Variants in TCF7L1 observed in about 807,000 individuals in gnomAD.
The protein encoded by TCF7L1 is transcription factor 7-like 1.
In TCF7L1, 18 loss-of-function variants were observed where a neutral mutation model predicts 63.7. That is an observed-to-expected ratio of 0.28 (90% confidence interval 0.20 to 0.42). TCF7L1 has a LOEUF of 0.42. Ranked by LOEUF, TCF7L1 falls within the 10% of genes least tolerant of loss-of-function variation. The pLI is 1.00. For missense variants in TCF7L1, 654 were observed against 779.3 expected (o/e 0.84, Z 1.91); for synonymous variants, 355 against 340.9 (o/e 1.04, Z -0.46).
At chr2:85,210,778 T>C (rs1416827424) in intron 3 of TCF7L1, among the ~76,000 whole-genome samples, 1 of 152,202 alleles carries the variant, frequency 6.6e-6, no homozygotes, top group East Asian at 1.9e-4. Context: ...ATTCTAAACA[T>C]GTATGTTAAC....
intron 3 of TCF7L1, among the ~76,000 whole-genome samples, chr2:85,235,755 C>T (rs762662968): frequency 7.2e-5 from 11 of 152,154 alleles, no homozygotes; most frequent in Admixed American, 4.6e-4. Context: ...TGCGGTGTGG[C>T]TCATGCCTGT....
At chr2:85,274,266 C>T (rs1439056703) in intron 3 of TCF7L1, among the ~76,000 whole-genome samples, 1 of 152,194 alleles carries the variant, frequency 6.6e-6, no homozygotes, top group East Asian at 1.9e-4. Context: ...GCAGGCCCAG[C>T]GCTCCAGGCT....
chr2:85,265,464 TC>T (rs1558650720), intron 3 of TCF7L1, among the ~76,000 whole-genome samples: 1 of 152,022 alleles, frequency 6.6e-6, no homozygotes, highest in African/African-American at 2.4e-5. Context: ...GCCCAGACCT[TC>T]CCCCAGAGGG....
intron 3 of TCF7L1, among the ~76,000 whole-genome samples, chr2:85,248,325 C>T (rs762759157): frequency 1.3e-5 from 2 of 152,130 alleles, no homozygotes; most frequent in Non-Finnish European, 1.5e-5. Flanking sequence ...ATTGTGTAAA[C>T]GCAGATTCTA....
chr2:85,165,246 C>T (rs1678389315), intron 3 of TCF7L1, among the ~76,000 whole-genome samples: 2 of 152,218 alleles, frequency 1.3e-5, no homozygotes, highest in Admixed American at 1.3e-4. Context: ...ATTTACAGCT[C>T]CTCTTTTTGG....
At chr2:85,254,129 G>A (rs1269145836) in intron 3 of TCF7L1, among the ~76,000 whole-genome samples, 1 of 152,260 alleles carries the variant, frequency 6.6e-6, no homozygotes, top group Non-Finnish European at 1.5e-5. Flanking sequence ...ATTTGAGGCT[G>A]CTCTCGCATC....
At chr2:85,166,319 A>G (rs1678418158) in intron 3 of TCF7L1, among the ~76,000 whole-genome samples, 1 of 152,124 alleles carries the variant, frequency 6.6e-6, no homozygotes, top group African/African-American at 2.4e-5. Flanking sequence ...AGGCACAAGC[A>G]CTCTGGGGCT....
chr2:85,272,325 T>C (rs1361360417), intron 3 of TCF7L1, among the ~76,000 whole-genome samples: 1 of 152,200 alleles, frequency 6.6e-6, no homozygotes, highest in Non-Finnish European at 1.5e-5. Context: ...TGCTATGATA[T>C]AAGACATACT....
At chr2:85,196,466 A>G (rs1222524034) in intron 3 of TCF7L1, among the ~76,000 whole-genome samples, 3 of 152,018 alleles carry the variant, frequency 2.0e-5, no homozygotes, top group Admixed American at 6.5e-5. Context: ...GCACATTGGA[A>G]TTACCTGGGG....
In TCF7L1 at chr2:85,306,721, G is replaced by C. The variant is rs1382267439; in HGVS notation, c.1257+162G>C. ...TGTCACCCAGGCTGGAGTGCATGCAGTGGCGCGATCTCGGCTCACTGCAAG... is the reference window on the plus strand; with the variant it reads ...TGTCACCCAGGCTGGAGTGCATGCACTGGCGCGATCTCGGCTCACTGCAAG... On this transcript the variant is annotated intron_variant, in intron 10 of 11. Coordinates refer to ENST00000282111, the MANE Select transcript of TCF7L1 (RefSeq NM_031283.3). The surrounding 1 kb of genome is among the most constrained non-coding windows in gnomAD (Gnocchi z 4.3). 6.6e-6 allele frequency among the ~76,000 whole-genome samples: 1 copy of C among 152,178 alleles called. No individual in the cohort carries two copies. The highest frequency in any genetic ancestry group is 2.4e-5 in the African/African-American group (1 of 41,440).
chr2:85,276,868 C>T (rs1049900588), intron 3 of TCF7L1, among the ~76,000 whole-genome samples: 2 of 152,076 alleles, frequency 1.3e-5, no homozygotes, highest in East Asian at 3.9e-4. Flanking sequence ...ATGGAAACAC[C>T]GTGTACCGCT....
intron 7 of TCF7L1, among the ~76,000 whole-genome samples, chr2:85,304,890 G>A (rs1036702520): frequency 3.3e-5 from 5 of 152,142 alleles, no homozygotes; most frequent in African/African-American, 4.8e-5. Flanking sequence ...CGGTGAAAGG[G>A]GATTTCTGTC....
rs537535118 is a variant in TCF7L1, at chr2:85,161,444, G to T, written c.441+26994G>T. 5.2e-3 allele frequency among the ~76,000 whole-genome samples: 786 copies of T among 152,322 alleles called. 6 individuals are homozygous for T. Among genetic ancestry groups the T allele is most frequent in the Non-Finnish European group, 7.6e-3 (520 of 68,030 alleles). ...GGGCTCTGAGCTGTGAGCAAGGGAG[G>T]TGCTTCGGGGCCGGTGGAGCTGCTT... On this transcript the variant is annotated intron_variant, in intron 3 of 11. Coordinates refer to ENST00000282111, the MANE Select transcript of TCF7L1 (RefSeq NM_031283.3).
chr2:85,243,634 G>A (rs1680391340), intron 3 of TCF7L1, among the ~76,000 whole-genome samples: 1 of 152,184 alleles, frequency 6.6e-6, no homozygotes, highest in Admixed American at 6.5e-5. Context: ...GCTGGGGATG[G>A]GCTGAGGAGA....
chr2:85,279,034 G>C (rs1332449888), intron 3 of TCF7L1, among the ~76,000 whole-genome samples: 1 of 152,202 alleles, frequency 6.6e-6, no homozygotes, highest in Non-Finnish European at 1.5e-5. Flanking sequence ...ACACATCTTC[G>C]CTGTGGGCTG....
intron 3 of TCF7L1, among the ~76,000 whole-genome samples, chr2:85,230,380 C>T (rs375518754): frequency 1.3e-5 from 2 of 152,206 alleles, no homozygotes; most frequent in African/African-American, 4.8e-5. Flanking sequence ...GTTGCCCAGG[C>T]TGGAGTGCAA....
At chr2:85,150,560 C>G (rs1281959858) in intron 3 of TCF7L1, among the ~76,000 whole-genome samples, 1 of 151,708 alleles carries the variant, frequency 6.6e-6, no homozygotes, top group East Asian at 1.9e-4. Flanking sequence ...AGATTACAGG[C>G]CATTTATTTT....
chr2:85,302,814 T>C (rs527666830), intron 5 of TCF7L1, among the ~76,000 whole-genome samples, 198 bp downstream of exon 5: 1 of 152,100 alleles, frequency 6.6e-6, no homozygotes, highest in Admixed American at 6.5e-5. Context: ...TTCTCCACCA[T>C]AGGGTCACGA....
chr2:85,216,726 A>G (rs1490331102), intron 3 of TCF7L1, among the ~76,000 whole-genome samples: 1 of 152,156 alleles, frequency 6.6e-6, no homozygotes, highest in Non-Finnish European at 1.5e-5. Context: ...CAAGGAGAGC[A>G]TGATAGGGTC....
Sources: gnomAD v4.1 joint callset for allele counts (sites outside exome capture counted in the v4.1 genomes callset) on GRCh38, gnomAD v4.1.1 for gene constraint, Gnocchi (gnomAD v3.1) non-coding constraint, MANE v1.5 for transcripts, NCBI Gene and HGNC (gene_info 2026-07-23, HGNC 2026-07-21) for gene names.